ERBIN: variants seen among roughly 807,000 people sequenced by gnomAD.
The protein encoded by ERBIN is densin-180-like protein.
Under a neutral mutation model 158.4 loss-of-function variants are expected in ERBIN, and 60 were observed. The observed-to-expected ratio is 0.38, with a 90% CI of 0.31 to 0.47. ERBIN has a LOEUF of 0.47. ERBIN is among the 20% of genes least tolerant of loss of function. The probability of loss-of-function intolerance (pLI) is 0.99; values close to 1 mark genes in which losing one functional copy is unlikely to be tolerated. For synonymous variants in ERBIN, 594 were observed against 557.2 expected (o/e 1.07, Z -0.93); for missense variants, 1,610 against 1,648.0 (o/e 0.98, Z 0.40).
intron 4 of ERBIN, among the ~76,000 whole-genome samples, chr5:66,007,393 G>T (rs1485260420): frequency 6.9e-6 from 1 of 145,428 alleles, no homozygotes; most frequent in Non-Finnish European, 1.5e-5. Context: ...CTGTCGTGGG[G>T]TTGGGGGAGC....
At chr5:66,067,774 T>C (rs1761142868) in intron 21 of ERBIN, among the ~76,000 whole-genome samples, 1 of 152,000 alleles carries the variant, frequency 6.6e-6, no homozygotes, top group South Asian at 2.1e-4. Flanking sequence ...AAAGTTATAC[T>C]CACCAAGCCT....
chr5:65,967,884 A>G (rs1448175519), intron 1 of ERBIN, among the ~76,000 whole-genome samples: 2 of 152,132 alleles, frequency 1.3e-5, no homozygotes, highest in Non-Finnish European at 2.9e-5. Flanking sequence ...TGCCAGGGCC[A>G]TGAGCCAGAG....
intron 8 of ERBIN, among the ~76,000 whole-genome samples, chr5:66,022,611 A>G (rs1424344836): frequency 2.6e-5 from 4 of 152,210 alleles, no homozygotes; most frequent in African/African-American, 9.6e-5. Flanking sequence ...TGAAGAGGGC[A>G]GACTTGAAGG....
chr5:66,067,750 G>GC (rs1761137248), intron 21 of ERBIN, among the ~76,000 whole-genome samples: 1 of 152,110 alleles, frequency 6.6e-6, no homozygotes, highest in Non-Finnish European at 1.5e-5. Context: ...TTTTAGAGCA[G>GC]CAGGAGCATT....
intron 1 of ERBIN, among the ~76,000 whole-genome samples, chr5:65,987,508 G>A (rs1232232381): frequency 6.6e-6 from 1 of 152,130 alleles, no homozygotes; most frequent in African/African-American, 2.4e-5. Flanking sequence ...GCTGAAGTGA[G>A]CCGTGATTGT....
At chr5:66,016,655 C>A (rs898979268) in intron 7 of ERBIN, among the ~76,000 whole-genome samples, 34 of 151,102 alleles carry the variant, frequency 2.3e-4, no homozygotes, top group Non-Finnish European at 2.1e-4. Context: ...TCTCTGTCGC[C>A]CAGGCTTGAC....
intron 1 of ERBIN, among the ~76,000 whole-genome samples, chr5:65,965,367 G>A (rs951515411): frequency 7.6e-6 from 1 of 131,800 alleles, no homozygotes; most frequent in African/African-American, 2.8e-5. Context: ...GTTCTTACCA[G>A]ATTTGTTTTT....
At chr5:65,995,197 C>G (rs1003570937) in intron 4 of ERBIN, among the ~76,000 whole-genome samples, 4 of 152,120 alleles carry the variant, frequency 2.6e-5, no homozygotes, top group African/African-American at 4.8e-5. Flanking sequence ...TTGCGGTCAT[C>G]ATGTTGCAGG....
chr5:65,993,046 G>A (rs535553031), intron 3 of ERBIN, 139 bp downstream of exon 3: 13 of 516,334 alleles, frequency 2.5e-5, no homozygotes, highest in South Asian at 1.2e-4. Context: ...AGAGTATGCC[G>A]TACAATTCAA....
intron 1 of ERBIN, among the ~76,000 whole-genome samples, chr5:65,928,931 T>G (rs1743016860): frequency 6.6e-6 from 1 of 152,194 alleles, no homozygotes; most frequent in Non-Finnish European, 1.5e-5. Flanking sequence ...GTGTGGATTT[T>G]CAAAGATTAA....
At chr5:66,029,892 G>A (rs995028329) in intron 14 of ERBIN, among the ~76,000 whole-genome samples, 1 of 151,548 alleles carries the variant, frequency 6.6e-6, no homozygotes, top group African/African-American at 2.4e-5. Flanking sequence ...ACCCTGCCTT[G>A]GGGTCCTGTT....
At chr5:66,055,849 C>T (rs1330634302) in intron 21 of ERBIN, among the ~76,000 whole-genome samples, 2 of 152,098 alleles carry the variant, frequency 1.3e-5, no homozygotes, top group Non-Finnish European at 2.9e-5. Flanking sequence ...TATATTAGTA[C>T]CTCATATCAG....
At position 66,043,022 on chromosome 5, in the gene ERBIN, G is replaced by A. The variant is rs1473487043; in HGVS notation, c.1307-55G>A. 6 of 1,350,618 alleles carry A rather than the reference G, an allele frequency of 4.4e-6. No individual in the cohort carries two copies. In the African/African-American group the frequency reaches 7.3e-5, roughly 17 times the overall value. 83.7% of individuals were successfully genotyped at this position (1,350,618 alleles called of 1,614,324 possible). A position where few individuals can be genotyped will look rare whatever the true frequency, so the allele number is the denominator to read the frequency against. ...ATACAGAAATTATGAGCAAGTGATA[G>A]TTTTCCATAATTACAGTAAAATATA... On this transcript the variant is annotated intron_variant, in intron 15 of 25. Transcript: ENST00000284037.
Position 65,971,068 on chromosome 5 carries a change from C to A in ERBIN, c.-57-17567C>A, listed in dbSNP as rs1023217556. ...TCATTCAACGTTAATTTGACTGATT[C>A]CTTTTGTTATTTTAGTCCAGAATTG... On this transcript the variant is annotated intron_variant, in intron 1 of 25. Coordinates refer to ENST00000284037, the MANE Select transcript of ERBIN (RefSeq NM_001253697.2). Among the ~76,000 whole-genome samples, 8 of 152,252 alleles carry A rather than the reference C, an allele frequency of 5.3e-5. No homozygotes were observed. In the South Asian group the frequency reaches 1.2e-3, roughly 24 times the overall value.
intron 1 of ERBIN, among the ~76,000 whole-genome samples, chr5:65,948,584 AT>A (rs1354435551): frequency 6.6e-6 from 1 of 151,980 alleles, no homozygotes; most frequent in Non-Finnish European, 1.5e-5. Context: ...ACAATGGTAG[AT>A]TTTTTTGTTT....
intron 1 of ERBIN, among the ~76,000 whole-genome samples, chr5:65,938,684 C>G (rs1034451222): frequency 6.6e-6 from 1 of 152,132 alleles, no homozygotes. Context: ...TTCCAAGTAG[C>G]TGGGACTACA....
At chr5:66,064,736 C>CTCTCG (rs1438058826) in intron 21 of ERBIN, among the ~76,000 whole-genome samples, 1 of 152,102 alleles carries the variant, frequency 6.6e-6, no homozygotes, top group Non-Finnish European at 1.5e-5. Flanking sequence ...GGGGTTTTGG[C>CTCTCG]TCTCGTGGTG....
At position 66,081,473 on chromosome 5, in the gene ERBIN, A is replaced by G. The variant is rs1342447347; in HGVS notation, c.*2943A>G. On this transcript the variant is annotated 3_prime_UTR_variant, in exon 26 of 26. Coordinates refer to ENST00000284037, the MANE Select transcript of ERBIN (RefSeq NM_001253697.2). ...TAGCAGCTATGTAATATTTTTATCA[A>G]CCAACATTTATTCATTCCAAATTTT... 6.6e-6 allele frequency: 1 copy of G among 152,132 alleles called. No individual in the cohort carries two copies. Among genetic ancestry groups the G allele is most frequent in the Non-Finnish European group, 1.5e-5 (1 of 67,944 alleles). 9.4% of individuals were successfully genotyped at this position (152,132 alleles called of 1,614,324 possible).
Position 65,953,152 on chromosome 5 carries a change from G to A in ERBIN, c.-58+26346G>A, listed in dbSNP as rs111771028. On this transcript the variant is annotated intron_variant, in intron 1 of 25. Transcript: ENST00000284037. ...CCACTGCTCGTTACTACAATTAAGAGTATTTGGGCAGACCTGTATAGACAT... is the reference window on the plus strand; with the variant it reads ...CCACTGCTCGTTACTACAATTAAGAATATTTGGGCAGACCTGTATAGACAT... 2.6e-3 allele frequency among the ~76,000 whole-genome samples: 389 copies of A among 152,290 alleles called. 2 individuals are homozygous for A. The highest frequency in any genetic ancestry group is 8.8e-3 in the African/African-American group (365 of 41,554).
Sources: gnomAD v4.1 joint callset for allele counts (sites outside exome capture counted in the v4.1 genomes callset) on GRCh38, gnomAD v4.1.1 for gene constraint, MANE v1.5 for transcripts, NCBI Gene and HGNC (gene_info 2026-07-23, HGNC 2026-07-21) for gene names.